TCF12: variants seen among roughly 807,000 people sequenced by gnomAD.
TCF12 encodes DNA-binding protein HTF4.
A neutral mutation model predicts 86.0 loss-of-function variants in TCF12; 45 were observed. That is an observed-to-expected ratio of 0.52 (90% confidence interval 0.41 to 0.67). The LOEUF is 0.67. Ranked by LOEUF, TCF12 falls within the 30% of genes least tolerant of loss-of-function variation. The probability of loss-of-function intolerance (pLI) is 0.00; values close to 1 mark genes in which losing one functional copy is unlikely to be tolerated. For synonymous variants in TCF12, 330 were observed against 299.6 expected (o/e 1.10, Z -1.05); for missense variants, 881 against 859.9 (o/e 1.02, Z -0.31).
chr15:57,005,143 C>G (rs760052284), intron 3 of TCF12, among the ~76,000 whole-genome samples: 2 of 152,120 alleles, frequency 1.3e-5, no homozygotes, highest in Non-Finnish European at 2.9e-5. Flanking sequence ...GTTGATACTT[C>G]CTAGTATTTC....
intron 3 of TCF12, among the ~76,000 whole-genome samples, chr15:57,010,178 C>T (rs1313349299): frequency 1.3e-5 from 2 of 151,892 alleles, no homozygotes; most frequent in African/African-American, 4.8e-5. Flanking sequence ...AAAAAAACTC[C>T]TTAACTATAA....
intron 6 of TCF12, among the ~76,000 whole-genome samples, chr15:57,185,009 T>C (rs1311831366): frequency 6.6e-6 from 1 of 152,222 alleles, no homozygotes; most frequent in African/African-American, 2.4e-5. Context: ...AATTACATCT[T>C]TCTCTCCCAA....
chr15:57,094,168 A>G (rs1452952213), intron 5 of TCF12, among the ~76,000 whole-genome samples: 2 of 152,196 alleles, frequency 1.3e-5, no homozygotes. Flanking sequence ...AATTATAGGC[A>G]TGAGCCACCA....
At chr15:57,000,730 T>C (rs1179970383) in intron 3 of TCF12, among the ~76,000 whole-genome samples, 1 of 152,088 alleles carries the variant, frequency 6.6e-6, no homozygotes, top group Non-Finnish European at 1.5e-5. Context: ...CTAACTTTGT[T>C]TTTATTATCT....
intron 14 of TCF12, 42 bp downstream of exon 14, chr15:57,251,465 G>A (rs1199482291): frequency 8.1e-6 from 13 of 1,597,932 alleles, no homozygotes; most frequent in Non-Finnish European, 1.0e-5. Flanking sequence ...ATAGCTTAGA[G>A]TTTGTTTGTT....
intron 5 of TCF12, among the ~76,000 whole-genome samples, chr15:57,111,685 G>A (rs775818163): frequency 3.4e-4 from 51 of 150,274 alleles, no homozygotes; most frequent in Non-Finnish European, 6.8e-4. Flanking sequence ...TCTGCCTACC[G>A]GGCTCAAGTG....
At chr15:57,233,458 A>T (rs1450356015) in intron 11 of TCF12, among the ~76,000 whole-genome samples, 1 of 152,044 alleles carries the variant, frequency 6.6e-6, no homozygotes, top group Non-Finnish European at 1.5e-5. Flanking sequence ...CATTATAGAC[A>T]TGACCCAGCA....
rs375577762 is a variant in TCF12, at chr15:56,970,428, C to T, written c.148+49330C>T. 4.8e-5 allele frequency among the ~76,000 whole-genome samples: 7 copies of T among 145,468 alleles called. No individual in the cohort carries two copies. In the East Asian group the frequency reaches 8.2e-4, roughly 17 times the overall value. ...CCGGGAGGTGGAGGTTGCAGTGAGC[C>T]GAGACCACGCCACTGCACTCCAGCC... On this transcript the variant is annotated intron_variant, in intron 3 of 20. Coordinates refer to ENST00000333725, the MANE Select transcript of TCF12 (RefSeq NM_207037.2).
intron 3 of TCF12, among the ~76,000 whole-genome samples, chr15:56,966,491 G>A (rs1296009375): frequency 6.6e-6 from 1 of 152,188 alleles, no homozygotes; most frequent in Non-Finnish European, 1.5e-5. Flanking sequence ...TATGACAAGA[G>A]ACCATGGGAA....
chr15:57,290,201 G>A (rs1193176221), downstream of TCF12, among the ~76,000 whole-genome samples: 1 of 152,090 alleles, frequency 6.6e-6, no homozygotes, highest in African/African-American at 2.4e-5. Flanking sequence ...AAATTAGCCA[G>A]CTATGGTGGC....
At chr15:57,064,921 G>A (rs2068748858) in intron 4 of TCF12, among the ~76,000 whole-genome samples, 1 of 152,036 alleles carries the variant, frequency 6.6e-6, no homozygotes, top group South Asian at 2.1e-4. Context: ...AGATTTATGG[G>A]TAGTTAATCC....
chr15:57,217,916 C>T (rs1447463794), intron 8 of TCF12, among the ~76,000 whole-genome samples: 1 of 152,084 alleles, frequency 6.6e-6, no homozygotes, highest in Non-Finnish European at 1.5e-5. Flanking sequence ...AAGTTACAAA[C>T]CACTCCGCAG....
intron 3 of TCF12, among the ~76,000 whole-genome samples, chr15:57,035,480 T>C (rs1386799996): frequency 6.6e-6 from 1 of 152,146 alleles, no homozygotes; most frequent in African/African-American, 2.4e-5. Context: ...TTGTGTAGGC[T>C]GATTGCCAAC....
rs193094846 is a variant in TCF12, at chr15:57,183,959, A to G, written c.391-8199A>G. 2.0e-5 allele frequency among the ~76,000 whole-genome samples: 3 copies of G among 152,248 alleles called. No individual in the cohort carries two copies. In the East Asian group the frequency reaches 5.8e-4, roughly 29 times the overall value. ...ATAGGAAATACACTTCCTGTTCATC[A>G]TTTAGATTATTTCTTTCCTCTCTCA... On this transcript the variant is annotated intron_variant, in intron 6 of 20. Transcript: ENST00000333725.
Position 57,197,836 on chromosome 15 carries a change from A to G in TCF12, c.579+11A>G, listed in dbSNP as rs17819994. 0.039 allele frequency: 63,265 copies of G among 1,612,982 alleles called. 3,012 individuals carry two copies. The highest frequency in any genetic ancestry group is 0.24 in the Admixed American group (14,400 of 59,820). ...GGTTTGCCTTCTTCTGTAAGTACCT[A>G]TCTTTTTTTAACTTGATGGTAAACA... On this transcript the variant is annotated intron_variant, in intron 8 of 20. Transcript: ENST00000333725.
intron 3 of TCF12, among the ~76,000 whole-genome samples, chr15:56,922,063 G>A (rs1306759759): frequency 6.6e-6 from 1 of 151,852 alleles, no homozygotes; most frequent in Non-Finnish European, 1.5e-5. Context: ...TGAAACGATA[G>A]GCAAGTCCCA....
chr15:56,961,964 A>G (rs2061776127), intron 3 of TCF12, among the ~76,000 whole-genome samples: 1 of 151,800 alleles, frequency 6.6e-6, no homozygotes, highest in Non-Finnish European at 1.5e-5. Context: ...CCCCGTCTCT[A>G]CTAAAAATTA....
intron 3 of TCF12, among the ~76,000 whole-genome samples, chr15:56,967,475 C>T (rs750441245): frequency 1.3e-5 from 2 of 152,142 alleles, no homozygotes; most frequent in Non-Finnish European, 2.9e-5. Context: ...GTTTGCCTTT[C>T]TTTAACTCTG....
At chr15:57,058,447 A>G (rs1442795236) in intron 3 of TCF12, among the ~76,000 whole-genome samples, 3 of 152,234 alleles carry the variant, frequency 2.0e-5, no homozygotes, top group Non-Finnish European at 4.4e-5. Flanking sequence ...CTGTGGCACT[A>G]AAAACTTTAA....
Sources: gnomAD v4.1 joint callset for allele counts (sites outside exome capture counted in the v4.1 genomes callset) on GRCh38, gnomAD v4.1.1 for gene constraint, MANE v1.5 for transcripts, NCBI Gene and HGNC (gene_info 2026-07-23, HGNC 2026-07-21) for gene names.